The following CD109 variants were observed in gnomAD, a reference collection of about 807,000 sequenced individuals.
CD109 encodes the protein CD109 molecule.
A neutral mutation model predicts 165.8 loss-of-function variants in CD109; 149 were observed. The ratio of observed to expected loss-of-function variants is 0.90; its 90% confidence interval spans 0.79 to 1.03. The LOEUF is 1.03. Among genes scored for constraint, CD109 ranks in the 50% least tolerant of loss-of-function variants. The pLI, the probability that CD109 is intolerant of heterozygous loss-of-function variation, is 0.00. For synonymous variants in CD109, 585 were observed against 592.1 expected, an observed-to-expected ratio of 0.99 and a Z score of 0.18; for missense variants, 1,712 against 1,677.8, an observed-to-expected ratio of 1.02 and a Z score of -0.36.
intron 29 of CD109, 28 bp from the exon 30 acceptor site, chr6:73,814,953 G>T: frequency 6.9e-7 from 1 of 1,449,966 alleles, no homozygotes; most frequent in Non-Finnish European, 9.1e-7. Context: ...TGTCCAACTT[G>T]TTATTTATGC....
intron 23 of CD109, among the ~76,000 whole-genome samples, chr6:73,796,196 G>A (rs2150276547): frequency 6.6e-6 from 1 of 152,222 alleles, no homozygotes; most frequent in South Asian, 2.1e-4. Flanking sequence ...TAATGTAAAA[G>A]GGATCTTAGA....
At chr6:73,789,030 A>G (rs72957350) in intron 22 of CD109, among the ~76,000 whole-genome samples, 16,753 of 152,246 alleles carry the variant, frequency 0.11, 1,186 homozygotes, top group Non-Finnish European at 0.16. Context: ...ACCACTGGTG[A>G]ATATCAGAAT....
chr6:73,799,249 T>C lies in CD109; in HGVS notation c.2879-3971T>C, dbSNP rs568166973. Among the ~76,000 whole-genome samples the C allele has an allele frequency of 5.3e-5, 8 of 152,350 alleles. No homozygotes were observed. In the East Asian group the frequency reaches 1.5e-3, roughly 29 times the overall value. ...ACTAGAGTAGTGATAATGCCTATCA[T>C]TTAATTTTTTCCACTTTTGTTTATG... On this transcript the variant is annotated intron_variant, in intron 23 of 32. Coordinates refer to ENST00000287097, the MANE Select transcript of CD109 (RefSeq NM_133493.5).
In CD109 at chr6:73,730,427, C is replaced by A. The variant is rs1772321083; in HGVS notation, c.360C>A (p.Thr120=). The change falls in exon 4 of 33, where the codon ACC becomes ACA. Residue 120 remains threonine (T), a synonymous_variant. Coordinates refer to ENST00000287097, the MANE Select transcript of CD109 (RefSeq NM_133493.5). The stretch of plus-strand genomic sequence containing the variant: ...ATGAGATTTTATTCTCTAATAGTAC[C>A]CGCTTATCATTTGAGACCAAGAGAA... The part of the protein sequence containing the change: ...TQDEILFSNS[T]RLSFETKRIS... 3.7e-6 allele frequency: 6 copies of A among 1,613,406 alleles called. No individual in the cohort carries two copies. Among genetic ancestry groups the A allele is most frequent in the Non-Finnish European group, 5.1e-6 (6 of 1,179,386 alleles).
intron 32 of CD109, among the ~76,000 whole-genome samples, 195 bp from the exon 33 acceptor site, chr6:73,823,263 G>A (rs1001016437): frequency 1.3e-5 from 2 of 152,178 alleles, no homozygotes; most frequent in Admixed American, 6.5e-5. Flanking sequence ...TGGACTGAGC[G>A]CATTGTTTCT....
At chr6:73,750,772 T>C (rs1773158459) in intron 5 of CD109, among the ~76,000 whole-genome samples, 1 of 152,196 alleles carries the variant, frequency 6.6e-6, no homozygotes, top group Admixed American at 6.5e-5. Flanking sequence ...TATGTGTAAC[T>C]GTGAGGTTGA....
At chr6:73,791,608 G>T (rs1338998581) in intron 22 of CD109, among the ~76,000 whole-genome samples, 1 of 151,878 alleles carries the variant, frequency 6.6e-6, no homozygotes. Context: ...TGTAAAGAAC[G>T]GATTTTCAAG....
At chr6:73,806,790 T>C in intron 24 of CD109, 54 bp from the exon 25 acceptor site, 6 of 1,316,812 alleles carry the variant, frequency 4.6e-6, no homozygotes, top group East Asian at 2.4e-5. Flanking sequence ...CTCGGTGTTA[T>C]TTGGTGGACC....
At chr6:73,735,057 T>C (rs777052248) in intron 4 of CD109, among the ~76,000 whole-genome samples, 8 of 152,126 alleles carry the variant, frequency 5.3e-5, no homozygotes, top group African/African-American at 7.2e-5. Context: ...AAGGGAGGGA[T>C]TTCCATGCAG....
At position 73,792,696 on chromosome 6, in the gene CD109, G is replaced by C; in HGVS notation, c.2772G>C (p.Gln924His). 1 of 1,613,200 alleles carries C rather than the reference G, an allele frequency of 6.2e-7. No individual in the cohort carries two copies. The highest frequency in any genetic ancestry group is 8.5e-7 in the Non-Finnish European group (1 of 1,179,882). ...GGATGCCTTATGGCTGTGGTGAACA[G>C]AACATGATAAATTTTGCTCCAAATA... ...LIRMPYGCGE[Q>H]NMINFAPNIY... The change falls in exon 23 of 33, where the codon CAG (glutamine) becomes CAC (histidine). Residue 924 changes from glutamine to histidine, a missense_variant. By Grantham distance (24) the Gln-to-His change is conservative. Coordinates refer to ENST00000287097, the MANE Select transcript of CD109 (RefSeq NM_133493.5).
the CD109 span, among the ~76,000 whole-genome samples, chr6:73,687,877 GGGAACT>G: frequency 6.6e-6 from 1 of 152,166 alleles, no homozygotes; most frequent in Non-Finnish European, 1.5e-5. Context: ...AACACAAAGT[GGGAACT>G]GCCTCAGCTG....
At chr6:73,682,047 G>A in the CD109 span, among the ~76,000 whole-genome samples, 1 of 152,142 alleles carries the variant, frequency 6.6e-6, no homozygotes, top group Non-Finnish European at 1.5e-5. Context: ...GATGAGGTAT[G>A]GTTTGGGACA....
At chr6:73,797,606 C>T (rs1775209641) in intron 23 of CD109, among the ~76,000 whole-genome samples, 1 of 152,096 alleles carries the variant, frequency 6.6e-6, no homozygotes, top group South Asian at 2.1e-4. Context: ...AGAGAAAATT[C>T]TTGAAATAGT....
Position 73,805,476 on chromosome 6 carries a change from G to T in CD109, c.2961-1368G>T, listed in dbSNP as rs1775528649. On this transcript the variant is annotated intron_variant, in intron 24 of 32. Transcript: ENST00000287097. ...GGATTTTATACCGAGACATTCCATT[G>T]CCCAGGGACGGGCAGGAGACAGATG... Among the ~76,000 whole-genome samples the T allele has an allele frequency of 3.3e-5, 5 of 152,274 alleles. No homozygotes were observed. In the South Asian group the frequency reaches 1.0e-3, roughly 32 times the overall value.
At chr6:73,718,803 C>G (rs1179182311) in intron 2 of CD109, among the ~76,000 whole-genome samples, 1 of 152,136 alleles carries the variant, frequency 6.6e-6, no homozygotes, top group Non-Finnish European at 1.5e-5. Flanking sequence ...TTAGAACACT[C>G]TGTAAGTGGT....
upstream of CD109, among the ~76,000 whole-genome samples, chr6:73,692,128 C>G (rs1378311635): frequency 1.3e-5 from 2 of 151,980 alleles, no homozygotes; most frequent in Non-Finnish European, 1.5e-5. Context: ...GAAATCTGCC[C>G]CCATGATTCA....
At chr6:73,791,159 A>ATATATT (rs1489501635) in intron 22 of CD109, among the ~76,000 whole-genome samples, 1 of 35,134 alleles carries the variant, frequency 2.8e-5, no homozygotes, top group African/African-American at 1.1e-4. Flanking sequence ...ATATATATAT[A>ATATATT]TATATATATA....
At position 73,810,157 on chromosome 6, in the gene CD109, G is replaced by T; in HGVS notation, c.3529G>T (p.Gly1177Cys). 9 of 1,596,630 alleles carry T rather than the reference G, an allele frequency of 5.6e-6. No individual in the cohort carries two copies. Among genetic ancestry groups the T allele is most frequent in the Non-Finnish European group, 7.7e-6 (9 of 1,174,122 alleles). The change falls in exon 27 of 33, where the codon GGT becomes TGT. Residue 1177 changes from glycine to cysteine, a missense_variant. Coordinates refer to ENST00000287097, the MANE Select transcript of CD109 (RefSeq NM_133493.5). ...AAGCAGGCAAAGAAATAGCTTGGGT[G>T]GTTTTGCATCTACTCAGGTGAGAGA... ...WLSRQRNSLG[G>C]FASTQDTTVA...
upstream of CD109, chr6:73,694,155 C>G (rs1208388438): frequency 6.6e-6 from 1 of 152,186 alleles, no homozygotes; most frequent in Admixed American, 6.5e-5. Flanking sequence ...TCCCAAATTA[C>G]TGGGATTACA....
Sources: gnomAD v4.1 joint callset for allele counts (sites outside exome capture counted in the v4.1 genomes callset) on GRCh38, gnomAD v4.1.1 for gene constraint, MANE v1.5 for transcripts, NCBI Gene and HGNC (gene_info 2026-07-23, HGNC 2026-07-21) for gene names.